The following PLEKHA7 variants were observed in gnomAD, a reference collection of about 807,000 sequenced individuals.
PLEKHA7 encodes pleckstrin homology domain-containing family A member 7.
PLEKHA7 carries 104 observed loss-of-function variants against 170.0 expected under a neutral mutation model. The ratio of observed to expected loss-of-function variants is 0.61; its 90% CI spans 0.52 to 0.72. PLEKHA7 has a LOEUF of 0.72. Ranked by LOEUF, PLEKHA7 falls within the 30% of genes least tolerant of loss-of-function variation. The pLI is 0.00. For synonymous variants in PLEKHA7, 648 were observed against 660.8 expected, an observed-to-expected ratio of 0.98 and a Z score of 0.30; for missense variants, 1,615 against 1,671.7, an observed-to-expected ratio of 0.97 and a Z score of 0.59.
chr11:16,900,053 A>G (rs1304593255), intron 3 of PLEKHA7, among the ~76,000 whole-genome samples: 1 of 152,198 alleles, frequency 6.6e-6, no homozygotes, highest in Non-Finnish European at 1.5e-5. Flanking sequence ...GAGGGTGCCT[A>G]AACCTTACTT....
chr11:17,009,981 C>T (rs1030111931), intron 3 of PLEKHA7, among the ~76,000 whole-genome samples: 1 of 152,056 alleles, frequency 6.6e-6, no homozygotes, highest in Non-Finnish European at 1.5e-5. Context: ...ACTGGGAGAA[C>T]CAACAGTAGA....
intron 3 of PLEKHA7, among the ~76,000 whole-genome samples, chr11:16,875,112 T>C (rs1855175266): frequency 6.6e-6 from 1 of 152,230 alleles, no homozygotes; most frequent in South Asian, 2.1e-4. Context: ...TTCAAACTTT[T>C]TTCCCTAATA....
chr11:16,953,599 T>G (rs1045413764), intron 3 of PLEKHA7, among the ~76,000 whole-genome samples: 2 of 152,226 alleles, frequency 1.3e-5, no homozygotes, highest in Non-Finnish European at 2.9e-5. Flanking sequence ...CATATTTTTT[T>G]GCACTGAAAT....
chr11:16,996,963 T>C (rs1590814856), intron 3 of PLEKHA7, among the ~76,000 whole-genome samples: 1 of 149,224 alleles, frequency 6.7e-6, no homozygotes, highest in South Asian at 2.1e-4. Flanking sequence ...AATCTCAGAG[T>C]GGTTCTCTAC....
At chr11:16,925,724 C>CGGAA (rs1859476111) in intron 3 of PLEKHA7, among the ~76,000 whole-genome samples, 1 of 152,244 alleles carries the variant, frequency 6.6e-6, no homozygotes, top group Non-Finnish European at 1.5e-5. Flanking sequence ...TCGCCGGGGC[C>CGGAA]TTTCCGAGGA....
rs569436070 is a variant in PLEKHA7 at position 16,975,748 on chromosome 11, G to A, written c.221+38241C>T. 2.0e-5 allele frequency among the ~76,000 whole-genome samples: 3 copies of A among 152,306 alleles called. No individual in the cohort carries two copies. The East Asian group carries it at 5.8e-4, about 29-fold the overall frequency. On this transcript the variant is annotated intron_variant, in intron 3 of 26. Coordinates refer to ENST00000531066, the MANE Select transcript of PLEKHA7 (RefSeq NM_001329630.2). ...AACAGGGATTATCTCTGGGTGATAG[G>A]ATTACAAGGGATTTTTATTTTCTTG...
At chr11:16,887,407 CTCTCCCTCTCTTTCCACGG>C (rs1457280454) in intron 3 of PLEKHA7, among the ~76,000 whole-genome samples, 3 of 151,836 alleles carry the variant, frequency 2.0e-5, no homozygotes, top group Non-Finnish European at 4.4e-5. Context: ...CACGGTCTCC[CTCTCCCTCTCTTTCCACGG>C]TCTCCCTCCG....
intron 9 of PLEKHA7, among the ~76,000 whole-genome samples, chr11:16,837,846 A>G (rs1445463140): frequency 6.6e-6 from 1 of 152,150 alleles, no homozygotes; most frequent in Non-Finnish European, 1.5e-5. Context: ...AGAGCCTGAA[A>G]GTCCACGATG....
chr11:16,871,397 C>T (rs199958397), intron 3 of PLEKHA7, among the ~76,000 whole-genome samples: 14 of 152,090 alleles, frequency 9.2e-5, no homozygotes, highest in Admixed American at 5.9e-4. Flanking sequence ...AGCCCACCTA[C>T]GAGACAGGGA....
At chr11:16,972,318 T>G (rs1284536458) in intron 3 of PLEKHA7, among the ~76,000 whole-genome samples, 1 of 152,088 alleles carries the variant, frequency 6.6e-6, no homozygotes, top group Admixed American at 6.5e-5. Context: ...GACGGGGTTT[T>G]GTCATGTTGC....
At position 16,913,237 on chromosome 11, in the gene PLEKHA7, CCA is replaced by C. The variant is rs558652249; in HGVS notation, c.222-42057_222-42056del. Among the ~76,000 whole-genome samples the C allele has an allele frequency of 1.7e-3, 256 of 152,256 alleles. 1 individual carries two copies. Among genetic ancestry groups the C allele is most frequent in the African/African-American group, 6.0e-3 (248 of 41,560 alleles). On this transcript the variant is annotated intron_variant, in intron 3 of 26. Coordinates refer to ENST00000531066, the MANE Select transcript of PLEKHA7 (RefSeq NM_001329630.2). ...GAAATGCAATTAGTCCCTGCTCCAG[CCA>C]CATTTTTTTTTCCCCCAAAGAATGA...
chr11:16,799,595 A>C (rs1002289604), intron 17 of PLEKHA7, among the ~76,000 whole-genome samples: 1 of 152,258 alleles, frequency 6.6e-6, no homozygotes, highest in Non-Finnish European at 1.5e-5. Context: ...AAAAAAATTC[A>C]GATCACTGAA....
chr11:16,994,748 C>T (rs370033746), intron 3 of PLEKHA7, among the ~76,000 whole-genome samples: 10 of 152,246 alleles, frequency 6.6e-5, no homozygotes, highest in East Asian at 1.9e-4. Context: ...CAAATCCCTG[C>T]TTGTTTCTCA....
At chr11:16,814,611 T>G (rs185304278) in intron 12 of PLEKHA7, among the ~76,000 whole-genome samples, 18 of 152,332 alleles carry the variant, frequency 1.2e-4, no homozygotes, top group Admixed American at 5.2e-4. Context: ...GCCTTGGATT[T>G]TGGCTGCAGC....
intron 3 of PLEKHA7, among the ~76,000 whole-genome samples, chr11:16,875,011 G>A (rs1855167724): frequency 6.6e-6 from 1 of 152,206 alleles, no homozygotes; most frequent in African/African-American, 2.4e-5. Flanking sequence ...TAGGCACTAA[G>A]ATGAATTTTA....
chr11:16,925,997 T>C (rs1859511319), intron 3 of PLEKHA7, among the ~76,000 whole-genome samples: 1 of 152,222 alleles, frequency 6.6e-6, no homozygotes, highest in African/African-American at 2.4e-5. Context: ...CCAGCAGACC[T>C]GTCATCCGTT....
At chr11:16,953,463 C>T (rs986758860) in intron 3 of PLEKHA7, among the ~76,000 whole-genome samples, 5 of 152,168 alleles carry the variant, frequency 3.3e-5, no homozygotes, top group African/African-American at 9.7e-5. Flanking sequence ...CAATTTTGTA[C>T]ACTATTTCCA....
Position 16,965,561 on chromosome 11 carries a change from C to T in PLEKHA7, c.221+48428G>A, listed in dbSNP as rs140457691. On this transcript the variant is annotated intron_variant, in intron 3 of 26. Coordinates refer to ENST00000531066, the MANE Select transcript of PLEKHA7 (RefSeq NM_001329630.2). The stretch of plus-strand genomic sequence containing the variant: ...AGACAGGCATCTGTAGACAGAGATG[C>T]AAGGGGAGGGGAGAATGGGCAGTGT... Among the ~76,000 whole-genome samples the T allele has an allele frequency of 1.1e-3, 163 of 152,218 alleles. 1 individual carries two copies. Among genetic ancestry groups the T allele is most frequent in the Middle Eastern group, 6.8e-3 (2 of 294 alleles).
At chr11:16,779,878 TCA>T (rs1848894420) in intron 26 of PLEKHA7, among the ~76,000 whole-genome samples, 1 of 151,418 alleles carries the variant, frequency 6.6e-6, no homozygotes, top group South Asian at 2.1e-4. Flanking sequence ...GGCTCTGAAC[TCA>T]CATCAAAGGG....
Sources: allele counts gnomAD v4.1 joint callset (sites outside exome capture counted in the v4.1 genomes callset), GRCh38; gene constraint gnomAD v4.1.1; transcripts MANE v1.5; gene names NCBI Gene and HGNC (gene_info 2026-07-23, HGNC 2026-07-21).